EAF2: variants seen among roughly 807,000 people sequenced by gnomAD.
The protein encoded by EAF2 is ELL-associated factor 2.
A neutral mutation model predicts 29.4 loss-of-function variants in EAF2; 29 were observed. The ratio of observed to expected loss-of-function variants is 0.99; its 90% CI spans 0.73 to 1.35. EAF2 has a LOEUF of 1.35. EAF2 is among the 40% of genes most tolerant of loss of function. The pLI is 0.00. For missense variants in EAF2, 292 were observed against 312.0 expected (o/e 0.94, Z 0.48); for synonymous variants, 103 against 102.5 (o/e 1.00, Z -0.03).
At position 121,880,179 on chromosome 3, in the gene EAF2, G is replaced by A. The variant is rs147251066; in HGVS notation, c.737-6163G>A. Among the ~76,000 whole-genome samples, 13 of 151,948 alleles carry A rather than the reference G, an allele frequency of 8.6e-5. No individual in the cohort carries two copies. The East Asian group carries it at 1.4e-3, about 16-fold the overall frequency. On this transcript the variant is annotated intron_variant, in intron 5 of 5. Coordinates refer to ENST00000273668, the MANE Select transcript of EAF2 (RefSeq NM_018456.6). Reference sequence around the variant, plus strand: ...TTAATTAAAGACAGGGTCTTGCTCCGTTGCCCAGGCTGAAAGGTAATGGCA... The same window carrying A: ...TTAATTAAAGACAGGGTCTTGCTCCATTGCCCAGGCTGAAAGGTAATGGCA...
intron 5 of EAF2, among the ~76,000 whole-genome samples, chr3:121,874,565 A>G (rs1319207810): frequency 1.3e-5 from 2 of 151,968 alleles, no homozygotes; most frequent in Non-Finnish European, 2.9e-5. Flanking sequence ...CTATGTAACT[A>G]ATAACACTAC....
At chr3:121,857,496 A>AT (rs1454564176) in intron 4 of EAF2, among the ~76,000 whole-genome samples, 1 of 151,778 alleles carries the variant, frequency 6.6e-6, no homozygotes, top group African/African-American at 2.4e-5. Context: ...TCTCAAAAAA[A>AT]AAAAAAAGAA....
chr3:121,853,153 C>A (rs921894232), intron 2 of EAF2, among the ~76,000 whole-genome samples: 3 of 152,072 alleles, frequency 2.0e-5, no homozygotes, highest in Non-Finnish European at 2.9e-5. Flanking sequence ...AGACAATGTG[C>A]CATTTCATCA....
chr3:121,845,460 A>AAAAGT, intron 2 of EAF2, among the ~76,000 whole-genome samples: 1 of 34,682 alleles, frequency 2.9e-5, no homozygotes, highest in Admixed American at 3.2e-4. Context: ...AAAAAAAAAA[A>AAAAGT]AAGAAAGAAA....
At chr3:121,841,053 T>C (rs1460753332) in intron 1 of EAF2, among the ~76,000 whole-genome samples, 2 of 152,094 alleles carry the variant, frequency 1.3e-5, no homozygotes, top group African/African-American at 2.4e-5. Context: ...TTTAGCTGAT[T>C]GAAAACTAGC....
chr3:121,841,504 CAAAAAAAAAAAAAAAAAAAAAA>C (rs57868658), intron 1 of EAF2, among the ~76,000 whole-genome samples: 17 of 26,022 alleles, frequency 6.5e-4, no homozygotes, highest in African/African-American at 1.5e-3. Context: ...GACCCTGTCT[CAAAAAAAAAAAAAAAAAAAAAA>C]AAAAAAAAAA....
intron 4 of EAF2, among the ~76,000 whole-genome samples, chr3:121,869,748 G>A (rs546850570): frequency 3.9e-4 from 60 of 152,056 alleles, no homozygotes; most frequent in Middle Eastern, 6.8e-3. Flanking sequence ...GCAGTCAGGC[G>A]TGGTGGTGTG....
At chr3:121,871,967 AAAG>A (rs2107539078) in intron 4 of EAF2, among the ~76,000 whole-genome samples, 1 of 152,022 alleles carries the variant, frequency 6.6e-6, no homozygotes, top group South Asian at 2.1e-4. Flanking sequence ...ATGCTAAACA[AAAG>A]AAGACATCAT....
chr3:121,879,620 C>CT (rs3047611), intron 5 of EAF2, among the ~76,000 whole-genome samples: 265 of 144,664 alleles, frequency 1.8e-3, no homozygotes, highest in Middle Eastern at 3.5e-3. Flanking sequence ...TTCTTTCTTT[C>CT]TTTTTTTTTT....
At chr3:121,856,543 G>T (rs962283987) in intron 3 of EAF2, among the ~76,000 whole-genome samples, 2 of 152,152 alleles carry the variant, frequency 1.3e-5, no homozygotes, top group South Asian at 2.1e-4. Flanking sequence ...GTGCAGTGGC[G>T]CAATCATAGC....
intron 5 of EAF2, among the ~76,000 whole-genome samples, chr3:121,881,263 C>T (rs1709186851): frequency 6.6e-6 from 1 of 152,118 alleles, no homozygotes; most frequent in African/African-American, 2.4e-5. Flanking sequence ...CTTCAGTTTT[C>T]CGGAAGAATT....
intron 4 of EAF2, among the ~76,000 whole-genome samples, chr3:121,860,519 C>T (rs1708807292): frequency 1.3e-5 from 2 of 152,096 alleles, no homozygotes; most frequent in African/African-American, 4.8e-5. Flanking sequence ...GGTGCTATCC[C>T]GTTTATCATT....
intron 4 of EAF2, among the ~76,000 whole-genome samples, chr3:121,862,651 A>G (rs1708853471): frequency 6.6e-6 from 1 of 152,090 alleles, no homozygotes; most frequent in African/African-American, 2.4e-5. Flanking sequence ...TGTTATCACC[A>G]ATTGTCTGAA....
chr3:121,872,611 T>C lies in EAF2; in HGVS notation c.559T>C (p.Ser187Pro). The C allele has an allele frequency of 6.2e-7, 1 of 1,612,932 alleles. No individual in the cohort carries two copies. Among genetic ancestry groups the C allele is most frequent in the Non-Finnish European group, 8.5e-7 (1 of 1,179,156 alleles). Residue 187 changes from serine (S) to proline (P), a missense_variant, in exon 5 of 6, where the codon TCT becomes CCT. Physicochemically the swap from Ser to Pro is moderately conservative, Grantham distance 74. Transcript: ENST00000273668. ...DSSSDSKSSS[S>P]SSSEDSSSDS... Reference sequence around the variant, plus strand: ...TTCATCAGATTCCAAAAGTTCATCATCTTCAAGTAGTGAGGATAGTTCTAG... The same window carrying C: ...TTCATCAGATTCCAAAAGTTCATCACCTTCAAGTAGTGAGGATAGTTCTAG...
chr3:121,867,987 A>G (rs991696172), intron 4 of EAF2, among the ~76,000 whole-genome samples: 2 of 152,242 alleles, frequency 1.3e-5, no homozygotes, highest in Non-Finnish European at 2.9e-5. Flanking sequence ...AAATGTTTCA[A>G]GTAACCCACA....
chr3:121,840,503 A>AG (rs1708395738), intron 1 of EAF2, among the ~76,000 whole-genome samples: 1 of 76,288 alleles, frequency 1.3e-5, no homozygotes, highest in South Asian at 3.1e-4. Flanking sequence ...AAAAAAAAAA[A>AG]AAAAAGAAAA....
At chr3:121,848,112 T>C (rs1348257058) in intron 2 of EAF2, among the ~76,000 whole-genome samples, 5 of 152,216 alleles carry the variant, frequency 3.3e-5, no homozygotes, top group Non-Finnish European at 7.3e-5. Context: ...AAACTAGAGC[T>C]AGTGAATTAG....
At chr3:121,859,576 A>G (rs913304702) in intron 4 of EAF2, among the ~76,000 whole-genome samples, 3 of 152,148 alleles carry the variant, frequency 2.0e-5, no homozygotes, top group African/African-American at 7.2e-5. Flanking sequence ...TGGGGCTGAG[A>G]CAATGGGGTT....
chr3:121,875,759 T>A (rs772207935), intron 5 of EAF2, among the ~76,000 whole-genome samples: 3 of 151,902 alleles, frequency 2.0e-5, no homozygotes, highest in Non-Finnish European at 4.4e-5. Context: ...GAAACAAATC[T>A]AATAGATTAT....
Sources: gnomAD v4.1 joint callset for allele counts (sites outside exome capture counted in the v4.1 genomes callset) on GRCh38, gnomAD v4.1.1 for gene constraint, MANE v1.5 for transcripts, NCBI Gene and HGNC (gene_info 2026-07-23, HGNC 2026-07-21) for gene names.